ZDHHC7: variants seen among roughly 807,000 people sequenced by gnomAD.
ZDHHC7 encodes zDHHC palmitoyltransferase 7.
In ZDHHC7, 12 loss-of-function variants were observed where a neutral mutation model predicts 34.1. The ratio of observed to expected loss-of-function variants is 0.35; its 90% CI spans 0.23 to 0.57. The LOEUF is 0.57. Among genes scored for constraint, ZDHHC7 ranks in the 20% least tolerant of loss-of-function variants. ZDHHC7 has a pLI of 0.84. For synonymous variants in ZDHHC7, 185 were observed against 155.4 expected (o/e 1.19, Z -1.42); for missense variants, 388 against 402.7 (o/e 0.96, Z 0.31).
chr16:85,008,020 T>C (rs9940521), intron 1 of ZDHHC7, among the ~76,000 whole-genome samples: 95,724 of 151,772 alleles, frequency 0.63, 32,497 homozygotes, highest in African/African-American at 0.88. Flanking sequence ...GAGGCTGAGG[T>C]AGAAGAAACC....
intron 3 of ZDHHC7, chr16:84,988,756 C>A: frequency 6.4e-7 from 1 of 1,551,142 alleles, no homozygotes; most frequent in Non-Finnish European, 8.7e-7. Flanking sequence ...GCCTACCCCA[C>A]ACTCACAAGC....
the ZDHHC7 span, among the ~76,000 whole-genome samples, chr16:85,022,292 G>C: frequency 6.6e-6 from 1 of 151,986 alleles, no homozygotes; most frequent in Non-Finnish European, 1.5e-5. Flanking sequence ...AGGCCGAGGC[G>C]GTTGGATCAC....
chr16:84,981,831 T>G (rs373562837), intron 4 of ZDHHC7, 39 bp downstream of exon 4: 2 of 1,612,838 alleles, frequency 1.2e-6, no homozygotes, highest in African/African-American at 1.3e-5. Context: ...GTACCCGCAG[T>G]GGCGGATGCG....
In ZDHHC7 at chr16:84,975,696, A is replaced by C. The variant is rs1597525692; in HGVS notation, c.*647T>G. 6.5e-6 allele frequency: 1 copy of C among 152,744 alleles called. No homozygotes were observed. The highest frequency in any genetic ancestry group is 1.5e-5 in the Non-Finnish European group (1 of 68,128). The allele number at this position is 152,744 out of a possible 1,614,324, so 9.5% of individuals were successfully genotyped here. A position where few individuals can be genotyped will look rare whatever the true frequency, so the allele number is the denominator to read the frequency against. On this transcript the variant is annotated 3_prime_UTR_variant, in exon 8 of 8. Transcript: ENST00000313732. Reference sequence around the variant, plus strand: ...CGGTAAATGTTACATTGCCTAAACAACACTGGCAATTTTGACACACATGCA... The same window carrying C: ...CGGTAAATGTTACATTGCCTAAACACCACTGGCAATTTTGACACACATGCA...
chr16:85,004,566 G>C (rs1305266664), intron 1 of ZDHHC7, among the ~76,000 whole-genome samples: 3 of 130,120 alleles, frequency 2.3e-5, no homozygotes, highest in African/African-American at 8.9e-5. Context: ...CCATGGCCTA[G>C]AAAGCCCCAC....
intron 3 of ZDHHC7, among the ~76,000 whole-genome samples, chr16:84,986,432 C>G (rs1005753315): frequency 6.6e-6 from 1 of 152,208 alleles, no homozygotes; most frequent in African/African-American, 2.4e-5. Context: ...CAGTCGCGGC[C>G]CCATGAAGGC....
At position 84,981,547 on chromosome 16, in the gene ZDHHC7, CTGGCCTGTG is replaced by C. The variant is rs1397663178; in HGVS notation, c.440+314_440+322del. Among the ~76,000 whole-genome samples, 10 of 152,338 alleles carry C rather than the reference CTGGCCTGTG, an allele frequency of 6.6e-5. No homozygotes were observed. In the East Asian group the frequency reaches 1.9e-3, roughly 29 times the overall value. ...CCCAGGAGCTGTGAGCACACACGTGCTGGCCTGTGTGGCATGTGTGCCACAACAGAGGCG... is the reference window on the plus strand; with the variant it reads ...CCCAGGAGCTGTGAGCACACACGTGCTGGCATGTGTGCCACAACAGAGGCG... On this transcript the variant is annotated intron_variant, in intron 4 of 7. Transcript: ENST00000313732.
At chr16:84,989,170 G>T (rs1180575477) in intron 3 of ZDHHC7, among the ~76,000 whole-genome samples, 1 of 152,190 alleles carries the variant, frequency 6.6e-6, no homozygotes, top group Non-Finnish European at 1.5e-5. Context: ...AAAGCCACTG[G>T]CAGACTTTGC....
chr16:84,976,888 G>A (rs569780175), intron 7 of ZDHHC7, among the ~76,000 whole-genome samples: 31 of 152,330 alleles, frequency 2.0e-4, no homozygotes, highest in African/African-American at 7.2e-4. Context: ...GCCTGGCTCT[G>A]CTGACTTGCA....
At chr16:84,982,642 G>A (rs911253843) in intron 3 of ZDHHC7, among the ~76,000 whole-genome samples, 1 of 152,228 alleles carries the variant, frequency 6.6e-6, no homozygotes, top group Non-Finnish European at 1.5e-5. Flanking sequence ...TTGCTAAAGT[G>A]ACATGATACT....
At chr16:84,995,426 G>A (rs1200179122) in intron 2 of ZDHHC7, among the ~76,000 whole-genome samples, 2 of 152,194 alleles carry the variant, frequency 1.3e-5, no homozygotes, top group South Asian at 2.1e-4. Context: ...AGGAGTTCAA[G>A]ACCAGCCTGG....
rs886817117 is a variant in ZDHHC7 at position 84,975,802 on chromosome 16, G to T, written c.*541C>A. ...AGGATGTCTCTTCCGGGGCAGCGGG[G>T]AGTGTGCCGGAAGCCACCTTCACTG... On this transcript the variant is annotated 3_prime_UTR_variant, in exon 8 of 8. Coordinates refer to ENST00000313732, the MANE Select transcript of ZDHHC7 (RefSeq NM_017740.3). 6.4e-6 allele frequency: 1 copy of T among 156,178 alleles called. No individual in the cohort carries two copies. Among genetic ancestry groups the T allele is most frequent in the African/African-American group, 2.4e-5 (1 of 41,500 alleles). The allele number at this position is 156,178 out of a possible 1,614,324, so 9.7% of individuals were successfully genotyped here. A position where few individuals can be genotyped will look rare whatever the true frequency, so the allele number is the denominator to read the frequency against.
intron 1 of ZDHHC7, among the ~76,000 whole-genome samples, chr16:85,004,617 C>T (rs1004136095): frequency 6.8e-6 from 1 of 147,074 alleles, no homozygotes; most frequent in African/African-American, 2.4e-5. Flanking sequence ...AGCAGCCTCT[C>T]CCTGGCTGCT....
chr16:84,977,173 G>A lies in ZDHHC7; in HGVS notation c.672C>T (p.Cys224=). ...AAGTGAAAAACAGAAGACCCTCAAG[G>A]CACAGGAAGATCAACAGGATTACAG... ...PITVILLIFL[C]LEGLLFFTFT... is the part of the protein sequence containing the mutation. The change falls in exon 7 of 8, where the codon TGC becomes TGT. Residue 224 remains cysteine, a synonymous_variant. Transcript: ENST00000313732. The A allele has an allele frequency of 1.2e-6, 2 of 1,614,186 alleles. No individual in the cohort carries two copies. The highest frequency in any genetic ancestry group is 1.7e-6 in the Non-Finnish European group (2 of 1,180,046).
At chr16:85,002,986 T>G (rs566809808) in intron 1 of ZDHHC7, among the ~76,000 whole-genome samples, 1 of 152,094 alleles carries the variant, frequency 6.6e-6, no homozygotes, top group Admixed American at 6.5e-5. Flanking sequence ...AAGTGTCTCA[T>G]AGAGGATGGG....
At chr16:85,023,022 A>G in the ZDHHC7 span, among the ~76,000 whole-genome samples, 1 of 152,198 alleles carries the variant, frequency 6.6e-6, no homozygotes, top group Non-Finnish European at 1.5e-5. Flanking sequence ...AAGCCATGCA[A>G]TGCAGGTGGC....
chr16:85,024,250 G>C, the ZDHHC7 span, among the ~76,000 whole-genome samples: 1,428 of 36,566 alleles, frequency 0.039, 15 homozygotes, highest in Non-Finnish European at 0.061. Context: ...TTTTTTTTTT[G>C]AGACAGAGTC....
At chr16:84,980,270 G>A (rs1467025764) in intron 4 of ZDHHC7, among the ~76,000 whole-genome samples, 4 of 150,186 alleles carry the variant, frequency 2.7e-5, no homozygotes, top group East Asian at 2.0e-4. Flanking sequence ...CGCCCATAGC[G>A]TCACCTTCTT....
At chr16:84,979,142 GA>G (rs750891683) in intron 5 of ZDHHC7, 46 bp downstream of exon 5, 1 of 1,555,956 alleles carries the variant, frequency 6.4e-7, no homozygotes, top group Admixed American at 2.0e-5. Context: ...AGCAGTTAAA[GA>G]ATTTCAAATT....
Sources: gnomAD v4.1 joint callset for allele counts (sites outside exome capture counted in the v4.1 genomes callset) on GRCh38, gnomAD v4.1.1 for gene constraint, MANE v1.5 for transcripts, NCBI Gene and HGNC (gene_info 2026-07-23, HGNC 2026-07-21) for gene names.